Variants in ASB3 observed in about 807,000 individuals in gnomAD.
The protein encoded by ASB3 is ankyrin repeat and SOCS box containing 3.
A neutral mutation model predicts 54.5 loss-of-function variants in ASB3; 41 were observed. That is an observed-to-expected ratio of 0.75 (90% CI 0.59 to 0.98). The LOEUF (loss-of-function observed/expected upper bound fraction) is 0.98, where lower values mean the gene tolerates loss of function less well. ASB3 is among the 50% of genes least tolerant of loss of function. The pLI is 0.00. For missense variants in ASB3, 733 were observed against 620.0 expected (o/e 1.18, Z -1.94); for synonymous variants, 266 against 221.2 (o/e 1.20, Z -1.80).
rs546111887 is a variant in ASB3, at chr2:53,781,437, T to C, written c.-14+5384A>G. On this transcript the variant is annotated intron_variant, in intron 1 of 9. Transcript: ENST00000263634. ...CAAAAAAAAAAAAAAAAGTGAGAGA[T>C]GGTAGTTATCTCATTTTGTACCTCC... Among the ~76,000 whole-genome samples the C allele has an allele frequency of 2.8e-3, 424 of 151,096 alleles. 2 individuals carry two copies. Among genetic ancestry groups the C allele is most frequent in the Non-Finnish European group, 4.4e-3 (300 of 67,770 alleles).
At chr2:53,774,894 T>C (rs567217961) in intron 1 of ASB3, 1 of 164,812 alleles carries the variant, frequency 6.1e-6, no homozygotes, top group Admixed American at 6.1e-5. Flanking sequence ...TATAAGGTTA[T>C]GCCTTCAATA....
intron 9 of ASB3, among the ~76,000 whole-genome samples, chr2:53,691,493 A>G (rs1300883348): frequency 2.0e-5 from 3 of 152,184 alleles, no homozygotes; most frequent in African/African-American, 2.4e-5. Context: ...TAACATTATG[A>G]TAAGTTATTG....
At chr2:53,778,236 A>G (rs1461183742) in intron 1 of ASB3, among the ~76,000 whole-genome samples, 1 of 151,184 alleles carries the variant, frequency 6.6e-6, no homozygotes, top group East Asian at 1.9e-4. Flanking sequence ...CTGGGTTCCT[A>G]TGTAAGCAAA....
chr2:53,700,230 C>G (rs1178931156), intron 8 of ASB3, 41 bp downstream of exon 8: 4 of 1,581,436 alleles, frequency 2.5e-6, no homozygotes, highest in Non-Finnish European at 3.4e-6. Flanking sequence ...GTAGTATATT[C>G]ACTCAAAAAG....
chr2:53,700,234 C>G (rs1474202201), intron 8 of ASB3, 37 bp downstream of exon 8: 2 of 1,588,044 alleles, frequency 1.3e-6, no homozygotes, highest in Admixed American at 3.5e-5. Flanking sequence ...TATATTCACT[C>G]AAAAAGGGTA....
Position 53,773,125 on chromosome 2 carries a change from G to A in ASB3, c.-13-7540C>T, listed in dbSNP as rs114619258. Among the ~76,000 whole-genome samples, 1,113 of 152,142 alleles carry A rather than the reference G, an allele frequency of 7.3e-3. 13 individuals carry two copies. Among genetic ancestry groups the A allele is most frequent in the African/African-American group, 0.025 (1,031 of 41,494 alleles). The stretch of plus-strand genomic sequence containing the variant: ...GAAATGCTTTCATAATTGATACTAC[G>A]AAAAGCATTTATAAAAAAGATCTTC... On this transcript the variant is annotated intron_variant, in intron 1 of 9. Transcript: ENST00000263634.
At position 53,765,410 on chromosome 2, in the gene ASB3, A is replaced by G; in HGVS notation, c.163T>C (p.Ser55Pro). 6.2e-7 allele frequency: 1 copy of G among 1,614,238 alleles called. No homozygotes were observed. The highest frequency in any genetic ancestry group is 8.5e-7 in the Non-Finnish European group (1 of 1,180,030). The part of the protein sequence containing the change: ...MPIHEAAYHN[S>P]VECLQMLINA... ...ATTAACATTTGCAAACATTCTACAG[A>G]GTTGTGATAAGCTGCTTCATGAATT... Residue 55 changes from serine (S) to proline (P), a missense_variant, in exon 2 of 10, where the codon TCT (serine) becomes CCT (proline). Coordinates refer to ENST00000263634, the MANE Select transcript of ASB3 (RefSeq NM_016115.5).
chr2:53,763,071 G>T (rs1035405018), intron 2 of ASB3, among the ~76,000 whole-genome samples: 1 of 152,136 alleles, frequency 6.6e-6, no homozygotes, highest in Non-Finnish European at 1.5e-5. Flanking sequence ...ATAAACCTCA[G>T]GGAGGTAGGA....
chr2:53,780,316 C>CT (rs988450213), intron 1 of ASB3, among the ~76,000 whole-genome samples: 1 of 152,128 alleles, frequency 6.6e-6, no homozygotes, highest in African/African-American at 2.4e-5. Context: ...CCTCCTCATT[C>CT]TTTAAGACCT....
At chr2:53,782,374 T>C (rs1294441555) in intron 1 of ASB3, among the ~76,000 whole-genome samples, 2 of 152,028 alleles carry the variant, frequency 1.3e-5, no homozygotes, top group Non-Finnish European at 2.9e-5. Flanking sequence ...CACACATGCA[T>C]ACATGAGAAG....
At chr2:53,773,860 C>T (rs539841409) in intron 1 of ASB3, among the ~76,000 whole-genome samples, 93 of 152,010 alleles carry the variant, frequency 6.1e-4, no homozygotes, top group African/African-American at 2.1e-3. Flanking sequence ...CGTGACAAAA[C>T]CCCTTCTCTA....
At chr2:53,729,702 C>A in intron 3 of ASB3, 132 bp from the exon 4 acceptor site, 1 of 693,212 alleles carries the variant, frequency 1.4e-6, no homozygotes. Flanking sequence ...ACAGTTATCA[C>A]AATTGTCTTA....
At chr2:53,757,234 C>T (rs1672883254) in intron 2 of ASB3, among the ~76,000 whole-genome samples, 1 of 152,216 alleles carries the variant, frequency 6.6e-6, no homozygotes, top group South Asian at 2.1e-4. Flanking sequence ...ATTAGTGTGG[C>T]TGCCAGACTT....
intron 9 of ASB3, 123 bp downstream of exon 9, chr2:53,693,761 G>T: frequency 7.2e-7 from 1 of 1,390,376 alleles, no homozygotes. Flanking sequence ...CCTCACATAA[G>T]AAAATGCAAA....
At position 53,767,847 on chromosome 2, in the gene ASB3, C is replaced by T. The variant is rs765670565; in HGVS notation, c.-13-2262G>A. 3 of 1,576,134 alleles carry T rather than the reference C, an allele frequency of 1.9e-6. No homozygotes were observed. In the South Asian group the frequency reaches 3.5e-5, roughly 18 times the overall value. On this transcript the variant is annotated intron_variant, in intron 1 of 9. Transcript: ENST00000263634. The stretch of plus-strand genomic sequence containing the variant: ...TCAGTCCCCGGCGGCGCGGCGACAG[C>T]TAGGGTTCACGGCCACTGGGGCAGA...
intron 3 of ASB3, among the ~76,000 whole-genome samples, chr2:53,745,862 T>G (rs1311233557): frequency 6.6e-6 from 1 of 152,260 alleles, no homozygotes; most frequent in Admixed American, 6.5e-5. Context: ...TTTCTCACTT[T>G]AAGTCCAACT....
chr2:53,754,788 A>G (rs1053595083), intron 2 of ASB3, among the ~76,000 whole-genome samples: 1 of 152,238 alleles, frequency 6.6e-6, no homozygotes, highest in Non-Finnish European at 1.5e-5. Flanking sequence ...ATGCAATTTA[A>G]GTACTGTCAA....
Position 53,762,830 on chromosome 2 carries a change from A to G in ASB3, c.196+2547T>C, listed in dbSNP as rs370609595. Among the ~76,000 whole-genome samples the G allele has an allele frequency of 2.0e-5, 3 of 152,226 alleles. 1 individual carries two copies. ...ATAAGAAATACAAAAATATGTATGC[A>G]TATTAAACTTCTATGTAATCTACAC... is the stretch of plus-strand genomic sequence containing the variant. On this transcript the variant is annotated intron_variant, in intron 2 of 9. Coordinates refer to ENST00000263634, the MANE Select transcript of ASB3 (RefSeq NM_016115.5).
intron 2 of ASB3, among the ~76,000 whole-genome samples, chr2:53,759,957 G>T (rs1422060265): frequency 6.6e-6 from 1 of 152,146 alleles, no homozygotes; most frequent in Admixed American, 6.5e-5. Flanking sequence ...GGACACTGGC[G>T]CAGCTGTCTC....
Sources: gnomAD v4.1 joint callset for allele counts (sites outside exome capture counted in the v4.1 genomes callset) on GRCh38, gnomAD v4.1.1 for gene constraint, MANE v1.5 for transcripts, NCBI Gene and HGNC (gene_info 2026-07-23, HGNC 2026-07-21) for gene names.